Variants in SLC2A13 observed in about 807,000 individuals in gnomAD.
SLC2A13 encodes the protein solute carrier family 2 member 13, also known as proton myo-inositol cotransporter.
Under a neutral mutation model 64.4 loss-of-function variants are expected in SLC2A13, and 32 were observed. The observed-to-expected ratio is 0.50, with a 90% confidence interval of 0.37 to 0.67. The LOEUF is 0.67. Ranked by LOEUF, SLC2A13 falls within the 30% of genes least tolerant of loss-of-function variation. The probability of loss-of-function intolerance (pLI) is 0.00; values close to 1 mark genes in which losing one functional copy is unlikely to be tolerated. For missense variants in SLC2A13, 743 were observed against 829.2 expected, an observed-to-expected ratio of 0.90 and a Z score of 1.28; for synonymous variants, 338 against 327.1, an observed-to-expected ratio of 1.03 and a Z score of -0.36.
Position 39,881,368 on chromosome 12 carries a change from T to C in SLC2A13, c.1035-9407A>G, listed in dbSNP as rs182745526. On this transcript the variant is annotated intron_variant, in intron 4 of 9. Transcript: ENST00000280871. ...CTGGAAACTCAAACAGTGGATATGA[T>C]GAATTATTGTACAACTAGAAATAAA... Among the ~76,000 whole-genome samples the C allele has an allele frequency of 1.8e-4, 27 of 152,280 alleles. No individual in the cohort carries two copies. The East Asian group carries it at 3.9e-3, about 22-fold the overall frequency.
At chr12:39,918,354 G>A (rs1945554499) in intron 4 of SLC2A13, among the ~76,000 whole-genome samples, 1 of 112,632 alleles carries the variant, frequency 8.9e-6, no homozygotes, top group African/African-American at 3.1e-5. Flanking sequence ...TAACAGAACA[G>A]AAGTTTCCTT....
In SLC2A13 at chr12:40,048,125, GAGGGT is replaced by G; in HGVS notation, c.637_641del (p.Thr213LeufsTer13). 1 of 1,613,684 alleles carries G rather than the reference GAGGGT, an allele frequency of 6.2e-7. No homozygotes were observed. The highest frequency in any genetic ancestry group is 8.5e-7 in the Non-Finnish European group (1 of 1,179,780). ...CAAAGAACTGCCCTCCTGTGATGAA[GAGGGT>G]ATTAATGGTGACTAATCGGCCTCTT... On this transcript the variant is annotated frameshift_variant, in exon 2 of 10. Transcript: ENST00000280871. LOFTEE classifies it high-confidence loss of function.
In SLC2A13 at chr12:39,864,759, C is replaced by T; in HGVS notation, c.1319+3G>A. On this transcript the variant is annotated splice_donor_region_variant and intron_variant, in intron 6 of 9. Transcript: ENST00000280871. ...AAGGAAGAAGAACATAATGGAATCT[C>T]ACCTGTATCTTGTGCAAGTGGCGTT... 6.2e-7 allele frequency: 1 copy of T among 1,613,324 alleles called. No individual in the cohort carries two copies. The highest frequency in any genetic ancestry group is 8.5e-7 in the Non-Finnish European group (1 of 1,179,710).
chr12:39,971,268 G>A (rs566708605), intron 3 of SLC2A13, among the ~76,000 whole-genome samples: 3 of 152,204 alleles, frequency 2.0e-5, no homozygotes, highest in African/African-American at 4.8e-5. Context: ...TGAATCATTC[G>A]TAATTATGCA....
Position 39,953,953 on chromosome 12 carries a change from G to A in SLC2A13, c.926-2588C>T, listed in dbSNP as rs1046003510. 2.0e-5 allele frequency among the ~76,000 whole-genome samples: 3 copies of A among 152,084 alleles called. No homozygotes were observed. The East Asian group carries it at 5.8e-4, about 29-fold the overall frequency. On this transcript the variant is annotated intron_variant, in intron 3 of 9. Coordinates refer to ENST00000280871, the MANE Select transcript of SLC2A13 (RefSeq NM_052885.4). ...TTGTCTGTGAACCTAGCCTACAGAA[G>A]GTTTTCTAAGTATGATTAAAAATGC...
In SLC2A13 at chr12:40,090,331, T is replaced by C. The variant is rs369727411; in HGVS notation, c.556+14922A>G. Among the ~76,000 whole-genome samples, 7 of 152,306 alleles carry C rather than the reference T, an allele frequency of 4.6e-5. No individual in the cohort carries two copies. In the South Asian group the frequency reaches 1.0e-3, roughly 23 times the overall value. On this transcript the variant is annotated intron_variant, in intron 1 of 9. Coordinates refer to ENST00000280871, the MANE Select transcript of SLC2A13 (RefSeq NM_052885.4). The stretch of plus-strand genomic sequence containing the variant: ...ATTCATCTTAATTCCTAGAATTCAT[T>C]CCCTTTTTAACAATTAAGGCACTAT...
intron 4 of SLC2A13, among the ~76,000 whole-genome samples, chr12:39,878,211 T>C (rs1054400763): frequency 2.6e-5 from 4 of 152,194 alleles, no homozygotes; most frequent in African/African-American, 9.7e-5. Flanking sequence ...AACAGCCTAA[T>C]ACAGAAAGTT....
chr12:40,006,923 T>G (rs551791455), intron 3 of SLC2A13, among the ~76,000 whole-genome samples: 1 of 152,308 alleles, frequency 6.6e-6, no homozygotes, highest in South Asian at 2.1e-4. Flanking sequence ...AAATTCCCAT[T>G]TGAGTATTTG....
intron 1 of SLC2A13, among the ~76,000 whole-genome samples, chr12:40,092,954 C>T (rs909910097): frequency 4.6e-5 from 7 of 152,168 alleles, no homozygotes; most frequent in Non-Finnish European, 8.8e-5. Context: ...AGAGAGGAGA[C>T]ATTAGAGCAT....
At chr12:40,006,351 G>A (rs1947417869) in intron 3 of SLC2A13, among the ~76,000 whole-genome samples, 1 of 152,134 alleles carries the variant, frequency 6.6e-6, no homozygotes, top group South Asian at 2.1e-4. Context: ...TAACATTTTG[G>A]TTAATTTTAT....
chr12:40,075,085 T>C (rs2136275026), intron 1 of SLC2A13, among the ~76,000 whole-genome samples: 1 of 152,342 alleles, frequency 6.6e-6, no homozygotes, highest in Non-Finnish European at 1.5e-5. Flanking sequence ...AACAGAGTAC[T>C]CTGGCATACT....
intron 1 of SLC2A13, among the ~76,000 whole-genome samples, chr12:40,065,402 T>A (rs1488782623): frequency 6.7e-6 from 1 of 150,268 alleles, no homozygotes; most frequent in South Asian, 2.1e-4. Context: ...GGCAACATAG[T>A]GAAACCTCAT....
At chr12:39,778,367 A>C (rs1258912437) in intron 7 of SLC2A13, among the ~76,000 whole-genome samples, 2 of 152,100 alleles carry the variant, frequency 1.3e-5, no homozygotes, top group Non-Finnish European at 2.9e-5. Context: ...ACTTATTGCC[A>C]GCTCTTGGGG....
intron 3 of SLC2A13, among the ~76,000 whole-genome samples, chr12:39,978,878 A>G (rs1946824493): frequency 1.3e-5 from 2 of 150,834 alleles, no homozygotes; most frequent in South Asian, 4.2e-4. Flanking sequence ...CAGGGCACAG[A>G]CAAACAAAAA....
At chr12:40,058,079 AGATAGATAGATT>A (rs1025719715) in intron 1 of SLC2A13, among the ~76,000 whole-genome samples, 55 of 151,220 alleles carry the variant, frequency 3.6e-4, no homozygotes, top group African/African-American at 1.3e-3. Context: ...ATAGATAGAT[AGATAGATAGATT>A]GATTTACTAT....
chr12:39,998,172 T>C (rs1947264352), intron 3 of SLC2A13, among the ~76,000 whole-genome samples: 1 of 152,188 alleles, frequency 6.6e-6, no homozygotes, highest in African/African-American at 2.4e-5. Flanking sequence ...TGTATATATA[T>C]ATGTATACAA....
At chr12:40,026,016 C>A (rs2136213335) in intron 3 of SLC2A13, among the ~76,000 whole-genome samples, 1 of 152,292 alleles carries the variant, frequency 6.6e-6, no homozygotes, top group South Asian at 2.1e-4. Flanking sequence ...TTCTGCAGAC[C>A]ATGTTTTACT....
chr12:39,815,523 A>G (rs1170257146), intron 7 of SLC2A13, among the ~76,000 whole-genome samples: 4 of 152,184 alleles, frequency 2.6e-5, no homozygotes, highest in African/African-American at 7.2e-5. Flanking sequence ...AGAGATTTCT[A>G]TGTGTCCAGG....
rs1592043330 is a variant in SLC2A13 at position 40,053,701 on chromosome 12, T to C, written c.557-5491A>G. On this transcript the variant is annotated intron_variant, in intron 1 of 9. Transcript: ENST00000280871. Reference sequence around the variant, plus strand: ...CAACTGAGTATGATTAATTGTATAATTTGGGACTAGGCAAGTTTAAACCTT... The same window carrying C: ...CAACTGAGTATGATTAATTGTATAACTTGGGACTAGGCAAGTTTAAACCTT... 2.0e-5 allele frequency among the ~76,000 whole-genome samples: 3 copies of C among 152,220 alleles called. No homozygotes were observed. The East Asian group carries it at 5.8e-4, about 29-fold the overall frequency.
Sources: gnomAD v4.1 joint callset for allele counts (sites outside exome capture counted in the v4.1 genomes callset) on GRCh38, gnomAD v4.1.1 for gene constraint, MANE v1.5 for transcripts, NCBI Gene and HGNC (gene_info 2026-07-23, HGNC 2026-07-21) for gene names.